THRAP3: variants seen among roughly 807,000 people sequenced by gnomAD.
THRAP3 encodes thyroid hormone receptor associated protein 3, also known as thyroid hormone receptor-associated protein 3.
In THRAP3, 16 loss-of-function variants were observed where a neutral mutation model predicts 101.0. The ratio of observed to expected loss-of-function variants is 0.16; its 90% CI spans 0.11 to 0.24. The LOEUF (loss-of-function observed/expected upper bound fraction) is 0.24, where lower values mean the gene tolerates loss of function less well. Among genes scored for constraint, THRAP3 ranks in the 10% least tolerant of loss-of-function variants. THRAP3 has a pLI of 1.00. For missense variants in THRAP3, 989 were observed against 1,202.7 expected (o/e 0.82, Z 2.63); for synonymous variants, 407 against 422.6 (o/e 0.96, Z 0.45).
intron 1 of THRAP3, among the ~76,000 whole-genome samples, chr1:36,254,406 A>C (rs542167039): frequency 6.6e-6 from 1 of 152,336 alleles, no homozygotes; most frequent in Admixed American, 6.5e-5. Flanking sequence ...AATGATTCAC[A>C]CTTCACACTG....
intron 8 of THRAP3, among the ~76,000 whole-genome samples, chr1:36,295,591 T>TCCTCCCTCCCTTCCTTCTTC (rs1645938157): frequency 4.2e-5 from 6 of 144,348 alleles, no homozygotes; most frequent in Non-Finnish European, 9.2e-5. Context: ...CTCCCTTCCT[T>TCCTCCCTCCCTTCCTTCTTC]CCTCCCTCCC....
In THRAP3 at chr1:36,288,147, TTTTATTTA is replaced by T. The variant is rs878878357; in HGVS notation, c.1040+893_1041-890del. ...ACTTGCCTTCAGTAAGTCTGTTTTA[TTTTATTTA>T]TTTATTTATTTATTTCAATAGGTTT... On this transcript the variant is annotated intron_variant, in intron 4 of 11. Transcript: ENST00000354618. 302 of 975,608 alleles carry T rather than the reference TTTTATTTA, an allele frequency of 3.1e-4. 6 individuals are homozygous for T. The Admixed American group carries it at 0.013, about 41-fold the overall frequency. The allele number at this position is 975,608 out of a possible 1,614,324, so 60.4% of individuals were successfully genotyped here. A position where few individuals can be genotyped will look rare whatever the true frequency, so the allele number is the denominator to read the frequency against.
At chr1:36,208,175 G>A in the THRAP3 span, among the ~76,000 whole-genome samples, 1 of 152,180 alleles carries the variant, frequency 6.6e-6, no homozygotes, top group African/African-American at 2.4e-5. Flanking sequence ...GGCTGCCCAT[G>A]TGAGCACCCA....
At chr1:36,294,324 A>G in intron 8 of THRAP3, 1 of 716,022 alleles carries the variant, frequency 1.4e-6, no homozygotes. Context: ...GAAGAGTGAA[A>G]TATTCATGTC....
At chr1:36,258,845 G>A (rs992943627) in intron 1 of THRAP3, among the ~76,000 whole-genome samples, 7 of 152,204 alleles carry the variant, frequency 4.6e-5, no homozygotes, top group African/African-American at 1.7e-4. Context: ...TGAGCTTGCT[G>A]GTCTTGGAAC....
chr1:36,245,414 C>T (rs1299496725), intron 1 of THRAP3, among the ~76,000 whole-genome samples: 2 of 152,086 alleles, frequency 1.3e-5, no homozygotes, highest in African/African-American at 4.8e-5. Context: ...GGTGATCTCC[C>T]CACCTCAGCC....
intron 11 of THRAP3, 113 bp downstream of exon 11, chr1:36,301,809 T>C: frequency 1.5e-6 from 2 of 1,310,522 alleles, no homozygotes; most frequent in Non-Finnish European, 2.1e-6. Context: ...CGTGCAGGAT[T>C]ATTGCACTGG....
chr1:36,241,712 A>C (rs1570246578), intron 1 of THRAP3, among the ~76,000 whole-genome samples: 2 of 150,562 alleles, frequency 1.3e-5, no homozygotes, highest in African/African-American at 2.4e-5. Context: ...CAGAGTAGCT[A>C]GGACTACAGG....
intron 1 of THRAP3, chr1:36,225,096 A>C (rs1351495233): frequency 6.6e-6 from 1 of 152,232 alleles, no homozygotes; most frequent in Non-Finnish European, 1.5e-5. Flanking sequence ...AGTTCTGCTT[A>C]TATGAGGTGA....
chr1:36,241,023 G>A (rs1020126262), intron 1 of THRAP3, among the ~76,000 whole-genome samples: 17 of 151,888 alleles, frequency 1.1e-4, no homozygotes, highest in Non-Finnish European at 2.1e-4. Flanking sequence ...CGGCTAACAC[G>A]GTGAAACCCC....
At chr1:36,249,218 G>A (rs905320075) in intron 1 of THRAP3, among the ~76,000 whole-genome samples, 3 of 135,806 alleles carry the variant, frequency 2.2e-5, no homozygotes, top group Non-Finnish European at 4.7e-5. Flanking sequence ...TTTTGAGATG[G>A]AGTCTCGCTC....
rs1553124853 is a variant in THRAP3, at chr1:36,292,260, G to GTTTTTTTTTTTTTTTT, written c.1919-335_1919-334insTTTTTTTTTTTTTTTT. On this transcript the variant is annotated intron_variant, in intron 6 of 11. Coordinates refer to ENST00000354618, the MANE Select transcript of THRAP3 (RefSeq NM_005119.4). ...CTTTGGTAACATAATGTGTTTCTTT[G>GTTTTTTTTTTTTTTTT]TTTCTTTTTTTTTTTTTTTTTTTTT... 9.2e-4 allele frequency among the ~76,000 whole-genome samples: 12 copies of GTTTTTTTTTTTTTTTT among 13,108 alleles called. 1 individual carries two copies. The highest frequency in any genetic ancestry group is 4.3e-3 in the South Asian group (1 of 234). 8.6% of individuals were successfully genotyped at this position (13,108 alleles called of 152,430 possible). A position where few individuals can be genotyped will look rare whatever the true frequency, so the allele number is the denominator to read the frequency against.
At chr1:36,288,061 A>G in intron 4 of THRAP3, 1 of 980,436 alleles carries the variant, frequency 1.0e-6, no homozygotes, top group South Asian at 4.7e-5. Context: ...CTGTATTAAC[A>G]CGACTTTGAC....
At chr1:36,300,639 C>T (rs923080016) in intron 9 of THRAP3, among the ~76,000 whole-genome samples, 4 of 152,162 alleles carry the variant, frequency 2.6e-5, no homozygotes, top group Non-Finnish European at 5.9e-5. Flanking sequence ...TTTGTTCCTG[C>T]TTCTATGTAT....
chr1:36,238,691 C>A (rs182507627), intron 1 of THRAP3, among the ~76,000 whole-genome samples: 355 of 152,154 alleles, frequency 2.3e-3, no homozygotes, highest in Non-Finnish European at 2.7e-3. Context: ...AATGAGTGAG[C>A]TTTTCGGGCT....
rs1646081967 is a variant in THRAP3, at chr1:36,304,956, T to C, written c.*939T>C. 2 of 209,864 alleles carry C rather than the reference T, an allele frequency of 9.5e-6. No individual in the cohort carries two copies. The highest frequency in any genetic ancestry group is 3.8e-4 in the South Asian group (2 of 5,318). 13.0% of individuals were successfully genotyped at this position (209,864 alleles called of 1,614,324 possible). The stretch of plus-strand genomic sequence containing the variant: ...AATGAAAAGAAACTCCTATGATCGA[T>C]TAAGGAAGGTGGTTATGGCTGGGTG... On this transcript the variant is annotated 3_prime_UTR_variant, in exon 12 of 12. Coordinates refer to ENST00000354618, the MANE Select transcript of THRAP3 (RefSeq NM_005119.4).
At chr1:36,282,486 T>C in intron 2 of THRAP3, 47 bp from the exon 3 acceptor site, 1 of 1,420,520 alleles carries the variant, frequency 7.0e-7, no homozygotes, top group Non-Finnish European at 9.7e-7. Flanking sequence ...AGGTTCACAT[T>C]TGCAAAGGAA....
At chr1:36,294,701 A>C (rs768738517) in intron 8 of THRAP3, among the ~76,000 whole-genome samples, 3 of 152,104 alleles carry the variant, frequency 2.0e-5, no homozygotes, top group Non-Finnish European at 4.4e-5. Context: ...CTTCTCTCCC[A>C]CCCGTCTTTC....
At position 36,301,628 on chromosome 1, in the gene THRAP3, T is replaced by C. The variant is rs1646032165; in HGVS notation, c.2578T>C (p.Phe860Leu). 6.2e-7 allele frequency: 1 copy of C among 1,613,914 alleles called. No individual in the cohort carries two copies. Among genetic ancestry groups the C allele is most frequent in the African/African-American group, 1.3e-5 (1 of 74,882 alleles). The change falls in exon 11 of 12, where the codon TTT becomes CTT. Residue 860 changes from phenylalanine (F) to leucine (L), a missense_variant. Transcript: ENST00000354618. ...CAATAACAACAACAGCAACAACGAT[T>C]TTCAAAAAAGAAACCGGGAAGAGGA... is the stretch of plus-strand genomic sequence containing the variant. ...GNNNNNSNND[F>L]QKRNREEEWD... is the part of the protein sequence containing the mutation.
Sources: allele counts gnomAD v4.1 joint callset (sites outside exome capture counted in the v4.1 genomes callset), GRCh38; gene constraint gnomAD v4.1.1; transcripts MANE v1.5; gene names NCBI Gene and HGNC (gene_info 2026-07-23, HGNC 2026-07-21).